ALG12: variants seen among roughly 807,000 people sequenced by gnomAD.
ALG12 encodes ALG12 alpha-1,6-mannosyltransferase, also known as dol-P-Man:Man(7)GlcNAc(2)-PP-Dol alpha-1,6-mannosyltransferase.
In ALG12, 36 loss-of-function variants were observed where a neutral mutation model predicts 46.0. The observed-to-expected ratio is 0.78, with a 90% confidence interval of 0.60 to 1.03. The LOEUF is 1.03. Ranked by LOEUF, ALG12 falls within the 50% of genes least tolerant of loss-of-function variation. The pLI is 0.00. For synonymous variants in ALG12, 326 were observed against 291.6 expected (o/e 1.12, Z -1.20); for missense variants, 599 against 633.5 (o/e 0.95, Z 0.58).
chr22:49,899,532 T>C (rs887572946), downstream of ALG12, among the ~76,000 whole-genome samples: 2 of 150,660 alleles, frequency 1.3e-5, no homozygotes, highest in African/African-American at 4.9e-5. Flanking sequence ...CCCCTCAGAC[T>C]GGCCAATTAA....
chr22:49,885,880 A>C, the ALG12 span: 1 of 1,208,938 alleles, frequency 8.3e-7, no homozygotes, highest in Non-Finnish European at 1.2e-6. Flanking sequence ...GAGTAACCAG[A>C]CCCGTGAGTA....
the ALG12 span, among the ~76,000 whole-genome samples, chr22:49,860,653 A>AT: frequency 1.3e-5 from 2 of 152,134 alleles, no homozygotes; most frequent in African/African-American, 4.8e-5. Context: ...TATGTTGCCC[A>AT]TTTGTTTCAG....
intron 3 of ALG12, among the ~76,000 whole-genome samples, chr22:49,912,218 T>TGGGG (rs140366863): frequency 9.3e-5 from 14 of 151,172 alleles, no homozygotes; most frequent in African/African-American, 3.4e-4. Context: ...TGGCAGGGGC[T>TGGGG]GGGGGGGGCA....
rs779554978 is a variant in ALG12 at position 49,909,903 on chromosome 22, G to A, written c.655C>T (p.Leu219Phe). Residue 219 changes from leucine to phenylalanine, a missense_variant, in exon 5 of 10, where the codon CTC becomes TTC. Leu to Phe is a conservative substitution (Grantham distance 22). Coordinates refer to ENST00000330817, the MANE Select transcript of ALG12 (RefSeq NM_024105.4). ...ACAGTGACTGACTTACCTAAACAGA[G>A]GATCCCTGCCGGGACGGCGTGGCGA... The part of the protein sequence containing the change: ...ALRHAVPAGI[L>F]CLGLTVAVDS... 6.2e-7 allele frequency: 1 copy of A among 1,614,138 alleles called. No homozygotes were observed.
the ALG12 span, among the ~76,000 whole-genome samples, chr22:49,877,139 A>G: frequency 6.6e-6 from 1 of 152,214 alleles, no homozygotes; most frequent in African/African-American, 2.4e-5. Flanking sequence ...CCTAAACGAG[A>G]AAAAGATTAA....
At chr22:49,872,715 T>C in the ALG12 span, among the ~76,000 whole-genome samples, 1 of 151,778 alleles carries the variant, frequency 6.6e-6, no homozygotes, top group Non-Finnish European at 1.5e-5. Context: ...TTTTTTTTTT[T>C]TTTTCCTGAG....
intron 4 of ALG12, 145 bp from the exon 5 acceptor site, chr22:49,910,233 C>T (rs183421194): frequency 1.4e-4 from 163 of 1,190,154 alleles, no homozygotes; most frequent in East Asian, 7.9e-4. Context: ...AGCCGCTCCC[C>T]GCACCTATGC....
chr22:49,893,954 AG>A, the ALG12 span, among the ~76,000 whole-genome samples: 1 of 152,210 alleles, frequency 6.6e-6, no homozygotes, highest in Non-Finnish European at 1.5e-5. Flanking sequence ...ACCTGAGGTC[AG>A]GAATTTGAGA....
chr22:49,864,947 C>CGCCCG, the ALG12 span, among the ~76,000 whole-genome samples: 1 of 91,732 alleles, frequency 1.1e-5, no homozygotes, highest in Non-Finnish European at 1.9e-5. Context: ...GCCCCCCCCC[C>CGCCCG]CCCCCGTGAA....
chr22:49,886,623 G>T, the ALG12 span: 5 of 1,581,572 alleles, frequency 3.2e-6, no homozygotes, highest in Non-Finnish European at 4.3e-6. This position sits in a 1 kb window ranked among gnomAD's most constrained non-coding sequence, Gnocchi z 7.7. Flanking sequence ...CTCTGAAGGA[G>T]GCCATGGTGA....
the ALG12 span, chr22:49,889,507 A>G: frequency 6.0e-6 from 1 of 166,854 alleles, no homozygotes; most frequent in African/African-American, 2.4e-5. Context: ...ATGCTGCTGT[A>G]TTTTTAGTTG....
chr22:49,878,585 C>G, the ALG12 span, among the ~76,000 whole-genome samples: 1 of 152,136 alleles, frequency 6.6e-6, no homozygotes, highest in East Asian at 1.9e-4. Flanking sequence ...CTTCAGAGAT[C>G]TAAATATAAA....
chr22:49,915,320 A>AGGCTGAGGT (rs2060603428), intron 1 of ALG12, among the ~76,000 whole-genome samples: 1 of 152,172 alleles, frequency 6.6e-6, no homozygotes, highest in Admixed American at 6.5e-5. Flanking sequence ...GCTCTTCGGG[A>AGGCTGAGGT]GGCTGAGGTG....
the ALG12 span, among the ~76,000 whole-genome samples, chr22:49,861,871 C>G: frequency 6.6e-6 from 1 of 152,140 alleles, no homozygotes; most frequent in African/African-American, 2.4e-5. Flanking sequence ...CTGGTGAGGA[C>G]TGTCTTCAGG....
At chr22:49,888,802 G>C in the ALG12 span, 1 of 167,238 alleles carries the variant, frequency 6.0e-6, no homozygotes, top group Non-Finnish European at 1.5e-5. Context: ...GTGCTGGTCA[G>C]GGACAGTGCC....
At position 49,908,617 on chromosome 22, in the gene ALG12, G is replaced by A. The variant is rs114727878; in HGVS notation, c.768+627C>T. Among the ~76,000 whole-genome samples the A allele has an allele frequency of 6.2e-5, 9 of 145,538 alleles. 1 individual carries two copies. Among genetic ancestry groups the A allele is most frequent in the African/African-American group, 2.4e-4 (9 of 37,522 alleles). On this transcript the variant is annotated intron_variant, in intron 6 of 9. Coordinates refer to ENST00000330817, the MANE Select transcript of ALG12 (RefSeq NM_024105.4). ...ATTCGTTATGCTGTTCCATCTATGC[G>A]TGTATGTTTGACATAATTCCTAAGA...
chr22:49,905,339 C>T lies in ALG12; in HGVS notation c.993-833G>A, dbSNP rs2060536877. 6.6e-6 allele frequency among the ~76,000 whole-genome samples: 1 copy of T among 152,208 alleles called. No homozygotes were observed. Among genetic ancestry groups the T allele is most frequent in the Admixed American group, 6.5e-5 (1 of 15,288 alleles). ...TCTCTTCCAAACCCACCAGGCTCCT[C>T]GGAGCCCTCTTCTCCACAGGCCCTG... On this transcript the variant is annotated intron_variant, in intron 7 of 9. Transcript: ENST00000330817. The surrounding 1 kb of genome is among the most constrained non-coding windows in gnomAD (Gnocchi z 4.9).
At chr22:49,887,726 C>CT in the ALG12 span, 3 of 167,432 alleles carry the variant, frequency 1.8e-5, no homozygotes. Flanking sequence ...TGGAAGGTAA[C>CT]TGTTTACTAC....
At chr22:49,916,807 G>A (rs1285844890) in intron 1 of ALG12, among the ~76,000 whole-genome samples, 3 of 152,198 alleles carry the variant, frequency 2.0e-5, no homozygotes, top group Admixed American at 1.3e-4. Flanking sequence ...AAAATAAAAC[G>A]GAACGGGGAG....
Sources: gnomAD v4.1 joint callset for allele counts (sites outside exome capture counted in the v4.1 genomes callset) on GRCh38, gnomAD v4.1.1 for gene constraint, Gnocchi (gnomAD v3.1) non-coding constraint, MANE v1.5 for transcripts, NCBI Gene and HGNC (gene_info 2026-07-23, HGNC 2026-07-21) for gene names.